GARIN5B: variants seen among roughly 807,000 people sequenced by gnomAD.
GARIN5B encodes golgi associated RAB2 interactor family member 5B, also known as Golgi-associated RAB2 interactor protein 5B.
At chr19:55,362,484 C>T in the GARIN5B span, 18 of 1,527,336 alleles carry the variant, frequency 1.2e-5, no homozygotes, top group Middle Eastern at 1.7e-4. Flanking sequence ...CAGAGGTGGA[C>T]GAGGTCCAGG....
At chr19:55,356,224 G>C in the GARIN5B span, among the ~76,000 whole-genome samples, 1 of 151,498 alleles carries the variant, frequency 6.6e-6, no homozygotes, top group Admixed American at 6.6e-5. Context: ...AAAAAGAAAA[G>C]AAAAGAAACA....
At chr19:55,361,644 G>C in the GARIN5B span, among the ~76,000 whole-genome samples, 12 of 11,918 alleles carry the variant, frequency 1.0e-3, no homozygotes, top group African/African-American at 1.2e-3. Context: ...GGAGTCCAGG[G>C]CCCCAGCCTC....
At chr19:55,357,036 G>A in the GARIN5B span, among the ~76,000 whole-genome samples, 2 of 152,130 alleles carry the variant, frequency 1.3e-5, no homozygotes, top group South Asian at 2.1e-4. Context: ...TAGCCTGGGC[G>A]ACAGAGCAAG....
chr19:55,360,621 CAG>C, the GARIN5B span: 1 of 1,511,828 alleles, frequency 6.6e-7, no homozygotes, highest in African/African-American at 1.4e-5. Context: ...CCCTCAGACC[CAG>C]GAGTCCAGGC....
At chr19:55,363,089 T>C in the GARIN5B span, 8 of 1,474,832 alleles carry the variant, frequency 5.4e-6, no homozygotes, top group East Asian at 1.9e-4. The surrounding 1 kb of genome is among the most constrained non-coding windows in gnomAD (Gnocchi z 4.0). Flanking sequence ...GGATGGGTAC[T>C]GGTTTAGGGA....
the GARIN5B span, chr19:55,359,654 C>G: frequency 1.3e-6 from 2 of 1,550,278 alleles, no homozygotes; most frequent in South Asian, 1.2e-5. Flanking sequence ...TGTGACAAGG[C>G]CAGATGGGGC....
the GARIN5B span, among the ~76,000 whole-genome samples, chr19:55,356,377 CTT>C: frequency 6.9e-6 from 1 of 145,576 alleles, no homozygotes; most frequent in African/African-American, 2.5e-5. Flanking sequence ...GCCTAGTTAA[CTT>C]TTTTTTTTTT....
At chr19:55,355,168 C>T in the GARIN5B span, 1 of 97,696 alleles carries the variant, frequency 1.0e-5, no homozygotes, top group Non-Finnish European at 2.1e-5. Context: ...CTCGTCCTCC[C>T]CCCTCCGTTA....
chr19:55,362,437 G>C, the GARIN5B span: 1 of 1,550,326 alleles, frequency 6.5e-7, no homozygotes, highest in Non-Finnish European at 8.7e-7. Flanking sequence ...CCGAGACCAG[G>C]CGCAGCTTCA....
chr19:55,361,737 G>GGA, the GARIN5B span, among the ~76,000 whole-genome samples: 2 of 40,244 alleles, frequency 5.0e-5, no homozygotes, highest in African/African-American at 1.7e-4. Context: ...CTCAGACCCA[G>GGA]GAGTTCAGAC....
chr19:55,359,776 G>A, the GARIN5B span: 4 of 1,551,388 alleles, frequency 2.6e-6, no homozygotes, highest in Non-Finnish European at 3.5e-6. Flanking sequence ...CCGGGGGATA[G>A]GGAGCCAGAC....
chr19:55,360,292 T>A, the GARIN5B span, among the ~76,000 whole-genome samples: 24 of 79,122 alleles, frequency 3.0e-4, no homozygotes, highest in Admixed American at 1.3e-3. Flanking sequence ...TCCCTCAGAC[T>A]CAGGAGTCCA....
At chr19:55,361,907 TC>T in the GARIN5B span, among the ~76,000 whole-genome samples, 51,777 of 84,012 alleles carry the variant, frequency 0.62, 13,882 homozygotes, top group East Asian at 0.79. Flanking sequence ...AGCTCCTCCG[TC>T]AGACCCAGGA....
At chr19:55,362,785 A>C in the GARIN5B span, 4 of 1,498,436 alleles carry the variant, frequency 2.7e-6, no homozygotes, top group African/African-American at 5.5e-5. Flanking sequence ...CAGCAGCCAC[A>C]GCCTGAGCCT....
the GARIN5B span, chr19:55,355,371 G>T: frequency 7.1e-6 from 11 of 1,549,886 alleles, no homozygotes; most frequent in Non-Finnish European, 8.7e-6. Context: ...AAGCCAGAGA[G>T]AGCTTTGGGG....
At chr19:55,361,131 G>C in the GARIN5B span, 10 of 1,551,106 alleles carry the variant, frequency 6.4e-6, no homozygotes, top group South Asian at 9.5e-5. Context: ...GGGACGGTTA[G>C]ACAGGGGCAG....
At chr19:55,362,775 C>T in the GARIN5B span, 10 of 1,502,806 alleles carry the variant, frequency 6.7e-6, no homozygotes, top group Non-Finnish European at 8.0e-6. Context: ...CTCCTTCCTC[C>T]AGCAGCCACA....
the GARIN5B span, among the ~76,000 whole-genome samples, chr19:55,361,654 C>A: frequency 1.5e-5 from 1 of 66,808 alleles, no homozygotes; most frequent in Non-Finnish European, 4.4e-5. Flanking sequence ...GCCCCAGCCT[C>A]TCCTCCCTTG....
At chr19:55,358,135 C>A in the GARIN5B span, 9 of 1,458,236 alleles carry the variant, frequency 6.2e-6, no homozygotes, top group Non-Finnish European at 8.2e-6. Flanking sequence ...TAGCTGCTAA[C>A]CCCCGCTACC....
Sources: allele counts gnomAD v4.1 joint callset (sites outside exome capture counted in the v4.1 genomes callset), GRCh38; gene constraint gnomAD v4.1.1; non-coding constraint Gnocchi (gnomAD v3.1); transcripts MANE v1.5; gene names NCBI Gene and HGNC (gene_info 2026-07-23, HGNC 2026-07-21).